ZNF277: variants seen among roughly 807,000 people sequenced by gnomAD.
The protein encoded by ZNF277 is zinc finger protein 277, also known as nuclear receptor-interacting factor 4.
In ZNF277, 55 loss-of-function variants were observed where a neutral mutation model predicts 60.7. That is an observed-to-expected ratio of 0.91 (90% CI 0.73 to 1.13). ZNF277 has a LOEUF of 1.13. ZNF277 is among the 50% of genes most tolerant of loss of function. The pLI is 0.00. For synonymous variants in ZNF277, 178 were observed against 179.3 expected, an observed-to-expected ratio of 0.99 and a Z score of 0.06; for missense variants, 510 against 523.0, an observed-to-expected ratio of 0.98 and a Z score of 0.24.
chr7:112,299,785 C>G (rs1792432954), intron 4 of ZNF277, among the ~76,000 whole-genome samples: 1 of 152,068 alleles, frequency 6.6e-6, no homozygotes, highest in Non-Finnish European at 1.5e-5. Context: ...AGGATCTCAA[C>G]TTGAGGATCT....
intron 1 of ZNF277, among the ~76,000 whole-genome samples, chr7:112,234,695 T>C (rs964347536): frequency 6.6e-6 from 1 of 152,128 alleles, no homozygotes; most frequent in South Asian, 2.1e-4. Flanking sequence ...TGTATGTCTG[T>C]CCAGTGGTAG....
chr7:112,318,492 A>G (rs1448112399), intron 5 of ZNF277, among the ~76,000 whole-genome samples: 1 of 152,110 alleles, frequency 6.6e-6, no homozygotes, highest in Non-Finnish European at 1.5e-5. Flanking sequence ...AAGCAGATTT[A>G]TGTTTAATAT....
intron 1 of ZNF277, among the ~76,000 whole-genome samples, chr7:112,274,996 G>A (rs1791760038): frequency 6.6e-6 from 1 of 152,116 alleles, no homozygotes; most frequent in African/African-American, 2.4e-5. Flanking sequence ...TTGTTTGTCA[G>A]TGTCTTTTGT....
At chr7:112,289,883 G>A (rs1189244936) in intron 2 of ZNF277, among the ~76,000 whole-genome samples, 5 of 151,682 alleles carry the variant, frequency 3.3e-5, no homozygotes, top group African/African-American at 9.7e-5. Context: ...GCACCACTAC[G>A]CCTGGCTAAT....
chr7:112,234,817 C>A (rs1822443795), intron 1 of ZNF277, among the ~76,000 whole-genome samples: 1 of 151,596 alleles, frequency 6.6e-6, no homozygotes, highest in African/African-American at 2.4e-5. Context: ...CCACTTATAT[C>A]TAATTTTCAT....
At chr7:112,243,423 A>T (rs192707843) in intron 1 of ZNF277, among the ~76,000 whole-genome samples, 1 of 151,738 alleles carries the variant, frequency 6.6e-6, no homozygotes, top group East Asian at 1.9e-4. Flanking sequence ...ATACTTGCAA[A>T]CTGTGTATCT....
chr7:112,296,376 A>AT, intron 4 of ZNF277, 65 bp downstream of exon 4: 2 of 751,136 alleles, frequency 2.7e-6, no homozygotes, highest in Non-Finnish European at 4.0e-6. Flanking sequence ...ATAAAATCAT[A>AT]TTGGTTTTTT....
chr7:112,331,677 G>T (rs1584417720), intron 7 of ZNF277, among the ~76,000 whole-genome samples: 2 of 152,280 alleles, frequency 1.3e-5, no homozygotes, highest in East Asian at 3.9e-4. Flanking sequence ...TTTACAACCA[G>T]CTAAAGGCAA....
intron 1 of ZNF277, among the ~76,000 whole-genome samples, chr7:112,247,837 G>A (rs1221600742): frequency 1.3e-5 from 2 of 151,906 alleles, no homozygotes; most frequent in Non-Finnish European, 2.9e-5. Flanking sequence ...GCATGGTTGC[G>A]GGCGCCTGTA....
At position 112,336,198 on chromosome 7, in the gene ZNF277, AT is replaced by A. The variant is rs1416211477; in HGVS notation, c.869+29del. The A allele has an allele frequency of 1.9e-6, 3 of 1,588,484 alleles. No homozygotes were observed. In the African/African-American group the frequency reaches 4.1e-5, roughly 21 times the overall value. On this transcript the variant is annotated intron_variant, in intron 8 of 11. Coordinates refer to ENST00000361822, the MANE Select transcript of ZNF277 (RefSeq NM_021994.3). The stretch of plus-strand genomic sequence containing the variant: ...TAAGAGTTGTTATTGCTGCTAATTA[AT>A]TGCAGTGTTCCAAGAGTAAGAAGAC...
rs116362561 is a variant in ZNF277 at position 112,263,112 on chromosome 7, A to G, written c.92-23761A>G. Reference sequence around the variant, plus strand: ...TTTGTCAAGGAAGGGCCTCTACTCAATATGTGAAACAGAAAGCTGGATTTA... The same window carrying G: ...TTTGTCAAGGAAGGGCCTCTACTCAGTATGTGAAACAGAAAGCTGGATTTA... On this transcript the variant is annotated intron_variant, in intron 1 of 11. Transcript: ENST00000361822. Among the ~76,000 whole-genome samples, 1,210 of 152,292 alleles carry G rather than the reference A, an allele frequency of 7.9e-3. 18 individuals are homozygous for G. The highest frequency in any genetic ancestry group is 0.028 in the African/African-American group (1,152 of 41,566).
Position 112,336,215 on chromosome 7 carries a change from G to A in ZNF277, c.869+44G>A, listed in dbSNP as rs1247587407. On this transcript the variant is annotated intron_variant, in intron 8 of 11. Transcript: ENST00000361822. ...GCTAATTAATTGCAGTGTTCCAAGA[G>A]TAAGAAGACAATGCTTTAGTTTGGT... is the stretch of plus-strand genomic sequence containing the variant. The A allele has an allele frequency of 2.6e-6, 4 of 1,538,958 alleles. No homozygotes were observed. The African/African-American group carries it at 5.5e-5, about 21-fold the overall frequency.
intron 1 of ZNF277, among the ~76,000 whole-genome samples, chr7:112,207,961 G>A (rs2116936433): frequency 6.6e-6 from 1 of 152,122 alleles, no homozygotes; most frequent in South Asian, 2.1e-4. Context: ...GTTTATTTTT[G>A]GGTTGGTTAT....
At chr7:112,295,987 C>T in intron 3 of ZNF277, 30 bp downstream of exon 3, 3 of 1,484,762 alleles carry the variant, frequency 2.0e-6, no homozygotes, top group Non-Finnish European at 1.9e-6. Flanking sequence ...ACCATCTTTT[C>T]CCTACAGTAT....
intron 1 of ZNF277, among the ~76,000 whole-genome samples, chr7:112,250,372 G>A (rs926037509): frequency 6.6e-6 from 1 of 152,182 alleles, no homozygotes; most frequent in Non-Finnish European, 1.5e-5. Context: ...CCTCGGTCCT[G>A]TGGTCCTGTG....
At position 112,309,587 on chromosome 7, in the gene ZNF277, T is replaced by C. The variant is rs572901471; in HGVS notation, c.466-8595T>C. ...GGAAACAGCCCTATGTTGTTTTTTC[T>C]ATTAATCCTAAGTATATTGTCCATG... On this transcript the variant is annotated intron_variant, in intron 4 of 11. Coordinates refer to ENST00000361822, the MANE Select transcript of ZNF277 (RefSeq NM_021994.3). Among the ~76,000 whole-genome samples the C allele has an allele frequency of 9.1e-4, 139 of 151,988 alleles. 1 individual carries two copies. Among genetic ancestry groups the C allele is most frequent in the South Asian group, 7.9e-3 (38 of 4,806 alleles).
chr7:112,219,284 A>G (rs1182818139), intron 1 of ZNF277, among the ~76,000 whole-genome samples: 1 of 152,128 alleles, frequency 6.6e-6, no homozygotes, highest in East Asian at 1.9e-4. Context: ...TGTACAAAAA[A>G]TCTTTGGCCA....
chr7:112,227,738 T>C (rs1267346904), intron 1 of ZNF277, among the ~76,000 whole-genome samples: 1 of 152,114 alleles, frequency 6.6e-6, no homozygotes, highest in Non-Finnish European at 1.5e-5. Context: ...ATATTCATAC[T>C]TCAAATCTTA....
At chr7:112,219,297 C>T (rs1478098351) in intron 1 of ZNF277, among the ~76,000 whole-genome samples, 2 of 152,146 alleles carry the variant, frequency 1.3e-5, no homozygotes, top group African/African-American at 2.4e-5. Context: ...TTTGGCCAGA[C>T]TAATGTCAAG....
Sources: gnomAD v4.1 joint callset for allele counts (sites outside exome capture counted in the v4.1 genomes callset) on GRCh38, gnomAD v4.1.1 for gene constraint, MANE v1.5 for transcripts, NCBI Gene and HGNC (gene_info 2026-07-23, HGNC 2026-07-21) for gene names.